Variants in SEL1L3 observed in about 807,000 individuals in gnomAD.
SEL1L3 encodes protein sel-1 homolog 3.
In SEL1L3, 76 loss-of-function variants were observed where a neutral mutation model predicts 142.8. The observed-to-expected ratio is 0.53, with a 90% CI of 0.44 to 0.64. The LOEUF (loss-of-function observed/expected upper bound fraction) is 0.64, where lower values mean the gene tolerates loss of function less well. SEL1L3 is among the 30% of genes least tolerant of loss of function. The pLI is 0.00. For synonymous variants in SEL1L3, 504 were observed against 519.6 expected, an observed-to-expected ratio of 0.97 and a Z score of 0.41; for missense variants, 1,262 against 1,381.7, an observed-to-expected ratio of 0.91 and a Z score of 1.37.
intron 9 of SEL1L3, among the ~76,000 whole-genome samples, chr4:25,805,372 A>G (rs891673216): frequency 5.9e-5 from 9 of 152,128 alleles, no homozygotes; most frequent in Non-Finnish European, 1.3e-4. Context: ...TTTTTACACG[A>G]AGAGACTGAG....
chr4:25,817,561 C>A (rs953685996), intron 9 of SEL1L3, among the ~76,000 whole-genome samples: 3 of 152,290 alleles, frequency 2.0e-5, no homozygotes, highest in Middle Eastern at 6.8e-3. Flanking sequence ...TACTTCAAAT[C>A]GGAGGTCCCA....
At chr4:25,722,623 G>GGTTTTTTTTTTTTT in the SEL1L3 span, among the ~76,000 whole-genome samples, 1 of 125,124 alleles carries the variant, frequency 8.0e-6, no homozygotes, top group African/African-American at 4.6e-5. Context: ...TCCAAAGGAG[G>GGTTTTTTTTTTTTT]CTTTTTTTTT....
At chr4:25,742,886 CCCCAGCTCCCAAAAGCTTG>C (rs1340273205), downstream of SEL1L3, among the ~76,000 whole-genome samples, 1 of 152,176 alleles carries the variant, frequency 6.6e-6, no homozygotes, top group Non-Finnish European at 1.5e-5. Context: ...AGTACCGCTT[CCCCAGCTCCCAAAAGCTTG>C]GAAATGATTA....
intron 11 of SEL1L3, among the ~76,000 whole-genome samples, chr4:25,799,937 G>A (rs1291132094): frequency 6.6e-6 from 1 of 152,188 alleles, no homozygotes; most frequent in Non-Finnish European, 1.5e-5. Flanking sequence ...CAAACCTGGA[G>A]GAAGAGCAGC....
chr4:25,729,034 G>GT, the SEL1L3 span, among the ~76,000 whole-genome samples: 4 of 151,044 alleles, frequency 2.6e-5, no homozygotes, highest in South Asian at 2.1e-4. Flanking sequence ...GTCACCAGAC[G>GT]TTTTTTTTTC....
At chr4:25,847,260 G>A in intron 2 of SEL1L3, 34 bp downstream of exon 2, 3 of 1,538,378 alleles carry the variant, frequency 2.0e-6, no homozygotes, top group Non-Finnish European at 2.6e-6. Flanking sequence ...CTGAAAAAAT[G>A]AGAATTAGGT....
At chr4:25,833,704 A>T (rs1251651125) in intron 3 of SEL1L3, 135 bp from the exon 4 acceptor site, 1 of 705,484 alleles carries the variant, frequency 1.4e-6, no homozygotes, top group East Asian at 3.1e-5. Context: ...ATCATGGGAG[A>T]TCAGCTTGCA....
chr4:25,767,883 C>T, intron 17 of SEL1L3, 53 bp from the exon 18 acceptor site: 1 of 1,121,786 alleles, frequency 8.9e-7, no homozygotes, highest in Non-Finnish European at 1.3e-6. Flanking sequence ...TACTAATATT[C>T]ACAGAGAGCT....
At chr4:25,831,365 C>T (rs564632359) in intron 5 of SEL1L3, among the ~76,000 whole-genome samples, 1 of 151,920 alleles carries the variant, frequency 6.6e-6, no homozygotes, top group East Asian at 1.9e-4. Context: ...CCCTCTTCTC[C>T]GTTCTCCATC....
At chr4:25,746,137 G>A (rs187963900), downstream of SEL1L3, among the ~76,000 whole-genome samples, 27 of 152,242 alleles carry the variant, frequency 1.8e-4, no homozygotes, top group East Asian at 3.9e-3. Context: ...GCACCGTCCT[G>A]TTGATGCTGT....
At chr4:25,763,844 C>A (rs1039363883) in intron 20 of SEL1L3, among the ~76,000 whole-genome samples, 5 of 151,996 alleles carry the variant, frequency 3.3e-5, no homozygotes, top group Admixed American at 6.6e-5. Context: ...TCTCAAAAAA[C>A]CCCACAAAAC....
the SEL1L3 span, among the ~76,000 whole-genome samples, chr4:25,721,335 A>G: frequency 1.3e-5 from 2 of 152,030 alleles, no homozygotes; most frequent in Admixed American, 1.3e-4. Flanking sequence ...CCTCTGAAAT[A>G]ATGAAGAGCT....
rs151128877 is a variant in SEL1L3 at position 25,838,127 on chromosome 4, C to T, written c.734-2804G>A. On this transcript the variant is annotated intron_variant, in intron 2 of 23. Transcript: ENST00000399878. ...TCAGGATTTGAACCTGTCTCCCTTC[C>T]TCCTAGTACTGTCCACAATTCTGTA... is the stretch of plus-strand genomic sequence containing the variant. Among the ~76,000 whole-genome samples, 401 of 152,300 alleles carry T rather than the reference C, an allele frequency of 2.6e-3. 2 individuals are homozygous for T. The highest frequency in any genetic ancestry group is 8.2e-3 in the African/African-American group (339 of 41,550).
intron 8 of SEL1L3, among the ~76,000 whole-genome samples, chr4:25,818,598 G>C (rs1714550669): frequency 6.6e-6 from 1 of 152,138 alleles, no homozygotes; most frequent in South Asian, 2.1e-4. Flanking sequence ...AAAGCACAAA[G>C]ACCCTCAGGG....
At chr4:25,828,902 G>C (rs1715263869) in intron 6 of SEL1L3, among the ~76,000 whole-genome samples, 1 of 152,302 alleles carries the variant, frequency 6.6e-6, no homozygotes, top group Middle Eastern at 3.4e-3. Context: ...CCCAGACAAA[G>C]TGCCTAAAAG....
intron 23 of SEL1L3, among the ~76,000 whole-genome samples, chr4:25,751,288 T>C (rs1717572245): frequency 6.6e-6 from 1 of 152,210 alleles, no homozygotes; most frequent in African/African-American, 2.4e-5. Flanking sequence ...AAGGAGCTTT[T>C]TGGAGTCCTT....
intron 13 of SEL1L3, among the ~76,000 whole-genome samples, chr4:25,784,880 A>G (rs1711680462): frequency 6.6e-6 from 1 of 152,250 alleles, no homozygotes; most frequent in Non-Finnish European, 1.5e-5. Context: ...TTTGTCCACT[A>G]CAGAGAGACA....
At chr4:25,732,653 G>T in the SEL1L3 span, among the ~76,000 whole-genome samples, 2 of 152,038 alleles carry the variant, frequency 1.3e-5, no homozygotes, top group Admixed American at 1.3e-4. Flanking sequence ...TGTTCAGTTT[G>T]TTTGCCTCCC....
chr4:25,838,787 T>A (rs898300571), intron 2 of SEL1L3, among the ~76,000 whole-genome samples: 1 of 152,146 alleles, frequency 6.6e-6, no homozygotes, highest in African/African-American at 2.4e-5. Flanking sequence ...ATATGTTAAA[T>A]CTCATCCCTG....
Sources: allele counts gnomAD v4.1 joint callset (sites outside exome capture counted in the v4.1 genomes callset), GRCh38; gene constraint gnomAD v4.1.1; transcripts MANE v1.5; gene names NCBI Gene and HGNC (gene_info 2026-07-23, HGNC 2026-07-21).